Variants in MSRA observed in about 807,000 individuals in gnomAD.
MSRA encodes the protein methionine sulfoxide reductase A.
Under a neutral mutation model 31.3 loss-of-function variants are expected in MSRA, and 54 were observed. The observed-to-expected ratio is 1.73, with a 90% confidence interval of 1.39 to 2.17. MSRA has a LOEUF of 2.17. Among genes scored for constraint, MSRA ranks in the 30% most tolerant of loss-of-function variants. MSRA has a pLI of 0.00. For synonymous variants in MSRA, 169 were observed against 116.5 expected, an observed-to-expected ratio of 1.45 and a Z score of -2.90; for missense variants, 507 against 300.9, an observed-to-expected ratio of 1.69 and a Z score of -5.07.
intron 5 of MSRA, among the ~76,000 whole-genome samples, chr8:10,419,071 C>T (rs879674561): frequency 2.5e-4 from 38 of 152,284 alleles, no homozygotes; most frequent in African/African-American, 8.7e-4. Flanking sequence ...ATGCAGGCCC[C>T]TCCCTCCCAC....
intron 5 of MSRA, among the ~76,000 whole-genome samples, chr8:10,358,100 A>G (rs1470832773): frequency 6.6e-6 from 1 of 151,922 alleles, no homozygotes; most frequent in Non-Finnish European, 1.5e-5. Context: ...TTTTTGTATT[A>G]TTATCATTAG....
At chr8:10,363,469 C>G (rs1585588134) in intron 5 of MSRA, among the ~76,000 whole-genome samples, 1 of 152,122 alleles carries the variant, frequency 6.6e-6, no homozygotes. Context: ...GTGGGAGTTC[C>G]CTTAGCACGT....
At chr8:10,289,358 A>T (rs942073922) in intron 3 of MSRA, among the ~76,000 whole-genome samples, 1 of 152,010 alleles carries the variant, frequency 6.6e-6, no homozygotes, top group Admixed American at 6.6e-5. Context: ...TTTATGGGGT[A>T]TACGAGATGA....
At chr8:10,284,600 C>A (rs937542389) in intron 3 of MSRA, among the ~76,000 whole-genome samples, 6 of 152,186 alleles carry the variant, frequency 3.9e-5, no homozygotes, top group Non-Finnish European at 8.8e-5. Flanking sequence ...ATTATCTCTC[C>A]TTTGACCTAG....
At chr8:10,337,136 G>A (rs1434851284) in intron 5 of MSRA, 1 of 152,040 alleles carries the variant, frequency 6.6e-6, no homozygotes, top group Non-Finnish European at 1.5e-5. Flanking sequence ...CAGTCAAATG[G>A]GATCACTGCT....
At chr8:10,096,278 G>C (rs1799151208) in intron 1 of MSRA, 1 of 1,155,524 alleles carries the variant, frequency 8.7e-7, no homozygotes, top group Non-Finnish European at 1.1e-6. Context: ...AGAAAGGCAA[G>C]CTGAAGACAC....
intron 1 of MSRA, among the ~76,000 whole-genome samples, chr8:10,087,882 A>G (rs988100696): frequency 2.0e-5 from 3 of 152,224 alleles, no homozygotes; most frequent in African/African-American, 4.8e-5. Flanking sequence ...GCAAAATCTC[A>G]GGTAAACCTC....
intron 1 of MSRA, among the ~76,000 whole-genome samples, chr8:10,104,263 A>C (rs1195725477): frequency 6.6e-6 from 1 of 152,194 alleles, no homozygotes; most frequent in Non-Finnish European, 1.5e-5. Flanking sequence ...CATTCTCCCA[A>C]GTATTTGTAA....
At chr8:10,095,448 A>G in intron 1 of MSRA, 1 of 984,872 alleles carries the variant, frequency 1.0e-6, no homozygotes, top group Non-Finnish European at 1.2e-6. Context: ...AAATGTATTA[A>G]TTGATCCGCA....
intron 5 of MSRA, among the ~76,000 whole-genome samples, chr8:10,349,706 A>G (rs541256253): frequency 2.0e-5 from 3 of 152,334 alleles, no homozygotes; most frequent in Non-Finnish European, 2.9e-5. Context: ...GGAAAGCAAG[A>G]AATATTTATT....
At chr8:10,116,659 T>G (rs12677632) in intron 1 of MSRA, among the ~76,000 whole-genome samples, 151,906 of 152,230 alleles carry the variant, frequency 1, 75,791 homozygotes, top group Middle Eastern at 1. Flanking sequence ...AACACACTGG[T>G]CATTGTAGAT....
At chr8:10,328,752 C>A (rs867353391) in intron 5 of MSRA, among the ~76,000 whole-genome samples, 1 of 152,156 alleles carries the variant, frequency 6.6e-6, no homozygotes, top group African/African-American at 2.4e-5. Context: ...AAGTTCAGAA[C>A]CTTTGAATAA....
At chr8:10,151,366 G>A (rs1010632832) in intron 1 of MSRA, among the ~76,000 whole-genome samples, 3 of 152,094 alleles carry the variant, frequency 2.0e-5, no homozygotes, top group African/African-American at 7.2e-5. Context: ...ACAGCAGGCC[G>A]GGCGTGGTGG....
At chr8:10,248,687 G>GT (rs2129084714) in intron 3 of MSRA, among the ~76,000 whole-genome samples, 1 of 152,346 alleles carries the variant, frequency 6.6e-6, no homozygotes, top group Non-Finnish European at 1.5e-5. Flanking sequence ...CCAAATCGGA[G>GT]TTGTGACTAG....
chr8:10,259,396 G>A (rs1001483758), intron 3 of MSRA, among the ~76,000 whole-genome samples: 1 of 152,180 alleles, frequency 6.6e-6, no homozygotes, highest in Non-Finnish European at 1.5e-5. Flanking sequence ...TTAATTCACA[G>A]GTTGGTGAAA....
intron 3 of MSRA, among the ~76,000 whole-genome samples, chr8:10,272,921 G>A (rs1799123803): frequency 6.6e-6 from 1 of 152,110 alleles, no homozygotes; most frequent in Non-Finnish European, 1.5e-5. Context: ...AGGAGAAACT[G>A]CACAAGTTAG....
At chr8:10,121,344 T>G (rs1198256294) in intron 1 of MSRA, among the ~76,000 whole-genome samples, 1 of 152,146 alleles carries the variant, frequency 6.6e-6, no homozygotes, top group Non-Finnish European at 1.5e-5. Flanking sequence ...GCACTGACCG[T>G]GCATCCACCT....
At chr8:10,109,218 T>C (rs955843975) in intron 1 of MSRA, among the ~76,000 whole-genome samples, 1 of 152,234 alleles carries the variant, frequency 6.6e-6, no homozygotes, top group African/African-American at 2.4e-5. Flanking sequence ...TTTGACATCA[T>C]ATGCTAAATC....
intron 5 of MSRA, among the ~76,000 whole-genome samples, chr8:10,421,051 G>A (rs557480366): frequency 3.3e-5 from 5 of 152,256 alleles, no homozygotes; most frequent in Middle Eastern, 3.4e-3. Flanking sequence ...TAAACGTCAC[G>A]TGTTTTGAGT....
Sources: allele counts gnomAD v4.1 joint callset (sites outside exome capture counted in the v4.1 genomes callset), GRCh38; gene constraint gnomAD v4.1.1; transcripts MANE v1.5; gene names NCBI Gene and HGNC (gene_info 2026-07-23, HGNC 2026-07-21).